Variants in DNAJB1 observed in about 807,000 individuals in gnomAD.
DNAJB1 encodes the protein DnaJ heat shock protein family (Hsp40) member B1.
A neutral mutation model predicts 24.0 loss-of-function variants in DNAJB1; 14 were observed. The observed-to-expected ratio is 0.58, with a 90% CI of 0.39 to 0.91. DNAJB1 has a LOEUF of 0.91. DNAJB1 is among the 40% of genes least tolerant of loss of function. DNAJB1 has a pLI of 0.00. For synonymous variants in DNAJB1, 262 were observed against 174.4 expected, an observed-to-expected ratio of 1.50 and a Z score of -3.96; for missense variants, 517 against 458.1, an observed-to-expected ratio of 1.13 and a Z score of -1.17.
At chr19:14,543,977 A>C (rs568737936) in intron 1 of DNAJB1, among the ~76,000 whole-genome samples, 33 of 151,662 alleles carry the variant, frequency 2.2e-4, no homozygotes, top group South Asian at 8.3e-4. Flanking sequence ...ACCTCAAATG[A>C]TCCTCCCGCC....
At chr19:14,537,968 A>G (rs950691728) in intron 1 of DNAJB1, among the ~76,000 whole-genome samples, 2 of 150,590 alleles carry the variant, frequency 1.3e-5, no homozygotes, top group Non-Finnish European at 3.0e-5. Context: ...CTGGTCTGAA[A>G]CTCTTGACCT....
Position 14,515,897 on chromosome 19 carries a change from G to A in DNAJB1, c.*43C>T, listed in dbSNP as rs779114840. On this transcript the variant is annotated 3_prime_UTR_variant, in exon 3 of 3. Transcript: ENST00000254322. Reference sequence around the variant, plus strand: ...GGTAGAAAGGTCCAGAAATCCTTGAGCTCTGGAAAGGTCCCTGGTCAGTCC... The same window carrying A: ...GGTAGAAAGGTCCAGAAATCCTTGAACTCTGGAAAGGTCCCTGGTCAGTCC... The A allele has an allele frequency of 1.5e-5, 23 of 1,577,610 alleles. No homozygotes were observed. The highest frequency in any genetic ancestry group is 1.8e-5 in the Non-Finnish European group (21 of 1,158,154).
chr19:14,529,847 G>A, upstream of DNAJB1: 2 of 1,227,616 alleles, frequency 1.6e-6, no homozygotes, highest in South Asian at 2.5e-5. Flanking sequence ...GTGGGCAAGC[G>A]TTGCGCCCCG....
chr19:14,549,138 G>C (rs1381776392), intron 1 of DNAJB1, among the ~76,000 whole-genome samples: 1 of 151,526 alleles, frequency 6.6e-6, no homozygotes, highest in Non-Finnish European at 1.5e-5. Context: ...TGCCCTATCG[G>C]CTGTAGTTTG....
rs1190210425 is a variant in DNAJB1, at chr19:14,518,341, T to C, written c.9A>G (p.Lys3=). Reference sequence around the variant, plus strand: ...CCAGGCCCAACGTCTGGTAGTAGTCTTTACCCATGACCCCCTCCTGCGGCC... The same window carrying C: ...CCAGGCCCAACGTCTGGTAGTAGTCCTTACCCATGACCCCCTCCTGCGGCC... MG[K]DYYQTLGLAR... Residue 3 remains lysine, a synonymous_variant, in exon 1 of 3, where the codon AAA becomes AAG. Transcript: ENST00000254322. 1 of 1,574,710 alleles carries C rather than the reference T, an allele frequency of 6.4e-7. No individual in the cohort carries two copies. The highest frequency in any genetic ancestry group is 8.6e-7 in the Non-Finnish European group (1 of 1,167,934).
chr19:14,526,302 G>A (rs2072424103), intron 2 of DNAJB1, among the ~76,000 whole-genome samples: 1 of 152,168 alleles, frequency 6.6e-6, no homozygotes, highest in African/African-American at 2.4e-5. Flanking sequence ...GGACCAGCAG[G>A]ATCTAGCTGT....
upstream of DNAJB1, chr19:14,530,910 G>A (rs1322153459): frequency 6.6e-6 from 1 of 152,174 alleles, no homozygotes; most frequent in Non-Finnish European, 1.5e-5. Context: ...GAAAACAGAA[G>A]CTGTAGACGT....
At chr19:14,529,734 C>T (rs1297835446), upstream of DNAJB1, 9 of 1,613,870 alleles carry the variant, frequency 5.6e-6, no homozygotes, top group South Asian at 4.4e-5. Context: ...AAACAGGGGC[C>T]GTGTGGCCAC....
chr19:14,547,062 TATTATA>T (rs1434915993), intron 1 of DNAJB1, among the ~76,000 whole-genome samples: 1 of 152,188 alleles, frequency 6.6e-6, no homozygotes, highest in Non-Finnish European at 1.5e-5. Flanking sequence ...CATAAACATG[TATTATA>T]ATAAGATCCT....
At chr19:14,533,271 T>A (rs901617139), upstream of DNAJB1, among the ~76,000 whole-genome samples, 1 of 151,644 alleles carries the variant, frequency 6.6e-6, no homozygotes, top group African/African-American at 2.4e-5. Context: ...AAATAAAAAA[T>A]TAGCTGGGTG....
chr19:14,552,409 C>G (rs1228751904), upstream of DNAJB1, among the ~76,000 whole-genome samples: 1 of 151,836 alleles, frequency 6.6e-6, no homozygotes, highest in East Asian at 1.9e-4. Flanking sequence ...GAGCTTTGGG[C>G]CTGAGCAAGC....
At chr19:14,529,310 C>T (rs997311074), upstream of DNAJB1, 9 of 402,548 alleles carry the variant, frequency 2.2e-5, no homozygotes, top group Admixed American at 2.9e-4. Context: ...CCGTCGCTTA[C>T]CTTGGTTTCC....
upstream of DNAJB1, among the ~76,000 whole-genome samples, chr19:14,522,675 C>CACAG (rs773548947): frequency 7.1e-5 from 6 of 84,310 alleles, no homozygotes; most frequent in African/African-American, 2.6e-4. Context: ...AACACAGACA[C>CACAG]ACACACAGAC....
chr19:14,548,798 C>T (rs886957534), intron 1 of DNAJB1, among the ~76,000 whole-genome samples: 5 of 151,926 alleles, frequency 3.3e-5, no homozygotes. Context: ...TGGTCTCAAA[C>T]TCCTGATTTC....
upstream of DNAJB1, chr19:14,529,871 T>G: frequency 1.0e-6 from 1 of 985,964 alleles, no homozygotes; most frequent in South Asian, 1.4e-5. Context: ...CACTCGTAAA[T>G]TCCAATGCGC....
chr19:14,517,967 C>T lies in DNAJB1; in HGVS notation c.211+172G>A, dbSNP rs917357282. 1.2e-4 allele frequency: 72 copies of T among 622,678 alleles called. No homozygotes were observed. In the African/African-American group the frequency reaches 1.3e-3, roughly 11 times the overall value. 38.6% of individuals were successfully genotyped at this position (622,678 alleles called of 1,614,324 possible). A position where few individuals can be genotyped will look rare whatever the true frequency, so the allele number is the denominator to read the frequency against. ...GAGCGGCTGGGCCAAGGCTCCTCCT[C>T]CCACCGCGCGGCCGCCAATCCGAGG... is the stretch of plus-strand genomic sequence containing the variant. On this transcript the variant is annotated intron_variant, in intron 1 of 2. Coordinates refer to ENST00000254322, the MANE Select transcript of DNAJB1 (RefSeq NM_006145.3).
upstream of DNAJB1, chr19:14,518,410 T>C (rs567680854): frequency 2.5e-5 from 37 of 1,464,776 alleles, no homozygotes; most frequent in Non-Finnish European, 2.7e-6. Context: ...CGCCGACCAG[T>C]CCCGGACTCT....
In DNAJB1 at chr19:14,516,132, G is replaced by A. The variant is rs200192646; in HGVS notation, c.831C>T (p.Asp277=). Residue 277 remains aspartate (D), a synonymous_variant, in exon 3 of 3, where the codon GAC becomes GAT. Transcript: ENST00000254322. ...CGCTVNVPTL[D]GRTIPVVFKD... is the part of the protein sequence containing the mutation. ...TGAATACGACGGGTATCGTCCTGCC[G>A]TCCAGAGTGGGGACGTTCACTGTGC... is the stretch of plus-strand genomic sequence containing the variant. 17 of 1,613,420 alleles carry A rather than the reference G, an allele frequency of 1.1e-5. No individual in the cohort carries two copies. In the East Asian group the frequency reaches 1.1e-4, roughly 11 times the overall value.
upstream of DNAJB1, among the ~76,000 whole-genome samples, chr19:14,521,853 C>T (rs1599384687): frequency 2.0e-5 from 3 of 152,296 alleles, 1 homozygote; most frequent in Admixed American, 2.0e-4. Flanking sequence ...AACTCCTGAC[C>T]TCAGGTGATC....
Sources: allele counts gnomAD v4.1 joint callset (sites outside exome capture counted in the v4.1 genomes callset), GRCh38; gene constraint gnomAD v4.1.1; transcripts MANE v1.5; gene names NCBI Gene and HGNC (gene_info 2026-07-23, HGNC 2026-07-21).